Variants in FREM2 observed in about 807,000 individuals in gnomAD.
FREM2 encodes FRAS1-related extracellular matrix protein 2.
A neutral mutation model predicts 219.9 loss-of-function variants in FREM2; 119 were observed. The observed-to-expected ratio is 0.54, with a 90% CI of 0.47 to 0.63. The LOEUF (loss-of-function observed/expected upper bound fraction) is 0.63, where lower values mean the gene tolerates loss of function less well. FREM2 is among the 30% of genes least tolerant of loss of function. FREM2 has a pLI of 0.00. For synonymous variants in FREM2, 1,562 were observed against 1,522.8 expected (o/e 1.03, Z -0.60); for missense variants, 4,030 against 3,993.6 (o/e 1.01, Z -0.25).
chr13:38,866,893 G>A (rs1305066815), intron 16 of FREM2, among the ~76,000 whole-genome samples: 1 of 152,104 alleles, frequency 6.6e-6, no homozygotes, highest in Admixed American at 6.6e-5. Flanking sequence ...CTTTTTTAAT[G>A]TAGCAAGGCT....
intron 4 of FREM2, among the ~76,000 whole-genome samples, chr13:38,777,202 C>T (rs2137823138): frequency 6.6e-6 from 1 of 151,986 alleles, no homozygotes; most frequent in Non-Finnish European, 1.5e-5. Context: ...TATGAAAATA[C>T]TGGATTTTAA....
At position 38,809,085 on chromosome 13, in the gene FREM2, A is replaced by T. The variant is rs569232442; in HGVS notation, c.6019+24277A>T. ...CATAGGCTTTATTTTTTCATTTTTT[A>T]AAATTGTTATTTTTTTTCTTTGACG... On this transcript the variant is annotated intron_variant, in intron 6 of 23. Coordinates refer to ENST00000280481, the MANE Select transcript of FREM2 (RefSeq NM_207361.6). Among the ~76,000 whole-genome samples the T allele has an allele frequency of 2.6e-5, 4 of 151,588 alleles. 1 individual carries two copies. In the East Asian group the frequency reaches 8.0e-4, roughly 30 times the overall value.
At position 38,878,956 on chromosome 13, in the gene FREM2, C is replaced by G. The variant is rs552170785; in HGVS notation, c.8985C>G (p.Val2995=). The part of the protein sequence containing the change: ...VNQPGSDGFK[V]DSTPLFQVAL... ...AGCCTGGATCTGATGGATTTAAAGT[C>G]GACTCAACACCACTCTTTCAGGTAG... is the stretch of plus-strand genomic sequence containing the variant. The change falls in exon 23 of 24, where the codon GTC becomes GTG. Residue 2995 remains valine, a synonymous_variant. Coordinates refer to ENST00000280481, the MANE Select transcript of FREM2 (RefSeq NM_207361.6). 1 of 1,614,094 alleles carries G rather than the reference C, an allele frequency of 6.2e-7. No homozygotes were observed. Among genetic ancestry groups the G allele is most frequent in the Non-Finnish European group, 8.5e-7 (1 of 1,180,000 alleles).
In FREM2 at chr13:38,692,018, C is replaced by T. The variant is rs769015024; in HGVS notation, c.4674C>T (p.Val1558=). The change falls in exon 1 of 24, where the codon GTC becomes GTT. Residue 1558 remains valine (V), a synonymous_variant. Coordinates refer to ENST00000280481, the MANE Select transcript of FREM2 (RefSeq NM_207361.6). The stretch of plus-strand genomic sequence containing the variant: ...TGATTACTCCTTTTGAGCTCACTGT[C>T]GAAGACAGAGATACTCCTGACAAGC... The part of the protein sequence containing the change: ...NKLITPFELT[V]EDRDTPDKLL... The T allele has an allele frequency of 1.1e-5, 17 of 1,614,106 alleles. No homozygotes were observed. The highest frequency in any genetic ancestry group is 3.3e-4 in the Middle Eastern group (2 of 6,084).
At chr13:38,869,074 G>T (rs768676844) in intron 16 of FREM2, among the ~76,000 whole-genome samples, 1 of 152,156 alleles carries the variant, frequency 6.6e-6, no homozygotes, top group Admixed American at 6.5e-5. Context: ...TGGCATCTCA[G>T]CTCAAGGTAA....
At chr13:38,783,272 C>T in intron 5 of FREM2, 77 bp downstream of exon 5, 1 of 1,447,476 alleles carries the variant, frequency 6.9e-7, no homozygotes. Context: ...GGAGCCATAA[C>T]ATTTTACCAT....
chr13:38,772,700 T>C (rs1462592386), intron 4 of FREM2, among the ~76,000 whole-genome samples: 1 of 32,232 alleles, frequency 3.1e-5, no homozygotes, highest in East Asian at 7.6e-4. Flanking sequence ...TTTCTCTCTC[T>C]CTTTTTTTTT....
At chr13:38,870,755 C>A (rs1231860091) in intron 16 of FREM2, among the ~76,000 whole-genome samples, 2 of 152,070 alleles carry the variant, frequency 1.3e-5, no homozygotes, top group African/African-American at 4.8e-5. Context: ...CAAATAAAAT[C>A]AAATCAGAAT....
At chr13:38,769,117 T>C (rs1024077132) in intron 3 of FREM2, among the ~76,000 whole-genome samples, 3 of 152,210 alleles carry the variant, frequency 2.0e-5, no homozygotes, top group Non-Finnish European at 4.4e-5. Flanking sequence ...ATTTATGACT[T>C]AGATTGTGAG....
chr13:38,706,338 C>T (rs1479324961), intron 2 of FREM2, among the ~76,000 whole-genome samples: 1 of 152,168 alleles, frequency 6.6e-6, no homozygotes, highest in East Asian at 1.9e-4. Context: ...ATATTGGAAT[C>T]GCCTAAATAT....
At chr13:38,832,046 GGCTCAC>G (rs1239711567) in intron 6 of FREM2, among the ~76,000 whole-genome samples, 2 of 152,124 alleles carry the variant, frequency 1.3e-5, no homozygotes, top group Non-Finnish European at 2.9e-5. Context: ...CAGGGACAGT[GGCTCAC>G]GCCTGTAATC....
At chr13:38,721,486 A>G (rs2496444) in intron 2 of FREM2, among the ~76,000 whole-genome samples, 121,802 of 151,726 alleles carry the variant, frequency 0.8, 49,698 homozygotes, top group South Asian at 0.89. Context: ...GCAGTCAGTG[A>G]GTGCATTTGT....
In FREM2 at chr13:38,876,065, C is replaced by A. The variant is rs61997251; in HGVS notation, c.8325C>A (p.Gly2775=). Residue 2775 remains glycine (G), a synonymous_variant, in exon 19 of 24, where the codon GGC becomes GGA. Coordinates refer to ENST00000280481, the MANE Select transcript of FREM2 (RefSeq NM_207361.6). ...SSVIMSADHP[G]LTFSLRLIRS... is the part of the protein sequence containing the mutation. ...TGATCATGTCAGCTGATCATCCAGGCCTGACATTTTCCCTCCGCCTCATAA... is the reference window on the plus strand; with the variant it reads ...TGATCATGTCAGCTGATCATCCAGGACTGACATTTTCCCTCCGCCTCATAA... The A allele has an allele frequency of 1.2e-6, 2 of 1,613,688 alleles. No homozygotes were observed. The highest frequency in any genetic ancestry group is 1.7e-6 in the Non-Finnish European group (2 of 1,179,610).
At chr13:38,830,910 A>G (rs1198295029) in intron 6 of FREM2, among the ~76,000 whole-genome samples, 1 of 152,086 alleles carries the variant, frequency 6.6e-6, no homozygotes, top group Non-Finnish European at 1.5e-5. Flanking sequence ...CTCAGACTCT[A>G]ATATGTGTAC....
At chr13:38,726,407 A>G (rs1404305525) in intron 2 of FREM2, among the ~76,000 whole-genome samples, 1 of 152,206 alleles carries the variant, frequency 6.6e-6, no homozygotes, top group East Asian at 1.9e-4. Context: ...GCAGCTTGCT[A>G]ATCTCTAGGA....
In FREM2 at chr13:38,782,476, G is replaced by A. The variant is rs533904777; in HGVS notation, c.5642-594G>A. 1.6e-4 allele frequency among the ~76,000 whole-genome samples: 24 copies of A among 152,278 alleles called. No homozygotes were observed. In the South Asian group the frequency reaches 2.3e-3, roughly 14 times the overall value. ...AAATATTCCTTATAGCTGATAAATA[G>A]ATTTATCAATTCTAAGGGAACAGCT... On this transcript the variant is annotated intron_variant, in intron 4 of 23. Coordinates refer to ENST00000280481, the MANE Select transcript of FREM2 (RefSeq NM_207361.6).
At chr13:38,826,399 G>T (rs557923776) in intron 6 of FREM2, among the ~76,000 whole-genome samples, 50 of 152,078 alleles carry the variant, frequency 3.3e-4, no homozygotes, top group Non-Finnish European at 5.7e-4. Flanking sequence ...TTTTTTCCAC[G>T]TACAACAACG....
In FREM2 at chr13:38,692,309, C is replaced by A; in HGVS notation, c.4965C>A (p.Val1655=). 2 of 1,609,608 alleles carry A rather than the reference C, an allele frequency of 1.2e-6. No homozygotes were observed. Among genetic ancestry groups the A allele is most frequent in the Non-Finnish European group, 8.5e-7 (1 of 1,177,526 alleles). The change falls in exon 1 of 24, where the codon GTC becomes GTA. Residue 1655 remains valine, a synonymous_variant. Transcript: ENST00000280481. ...KIQVLAVDNS[V]PQIAVNKGAS... is the part of the protein sequence containing the mutation. Reference sequence around the variant, plus strand: ...AGGTCTTGGCTGTTGACAACAGTGTCCCCCAAATCGCAGTGAATAAGGGGG... The same window carrying A: ...AGGTCTTGGCTGTTGACAACAGTGTACCCCAAATCGCAGTGAATAAGGGGG...
chr13:38,825,231 A>C (rs114807594), intron 6 of FREM2, among the ~76,000 whole-genome samples: 1 of 152,110 alleles, frequency 6.6e-6, no homozygotes, highest in Admixed American at 6.6e-5. Flanking sequence ...TTCGAAAACA[A>C]GGGCTGTGTC....
Sources: allele counts gnomAD v4.1 joint callset (sites outside exome capture counted in the v4.1 genomes callset), GRCh38; gene constraint gnomAD v4.1.1; transcripts MANE v1.5; gene names NCBI Gene and HGNC (gene_info 2026-07-23, HGNC 2026-07-21).